The following SLC6A19 variants were observed in gnomAD, a reference collection of about 807,000 sequenced individuals.
SLC6A19 encodes the protein sodium-dependent neutral amino acid transporter B(0)AT1.
Under a neutral mutation model 68.3 loss-of-function variants are expected in SLC6A19, and 67 were observed. The observed-to-expected ratio is 0.98, with a 90% CI of 0.81 to 1.20. The LOEUF is 1.20. Among genes scored for constraint, SLC6A19 ranks in the 50% most tolerant of loss-of-function variants. The pLI, the probability that SLC6A19 is intolerant of heterozygous loss-of-function variation, is 0.00. For missense variants in SLC6A19, 813 were observed against 851.6 expected (o/e 0.95, Z 0.56); for synonymous variants, 392 against 374.9 (o/e 1.05, Z -0.53).
chr5:1,211,305 T>C (rs566623770), intron 3 of SLC6A19, among the ~76,000 whole-genome samples: 4 of 152,354 alleles, frequency 2.6e-5, no homozygotes, highest in African/African-American at 7.2e-5. Flanking sequence ...TGGGGTCCTC[T>C]GGAATTAGAC....
chr5:1,201,738 A>G lies in SLC6A19; in HGVS notation c.88A>G (p.Ser30Gly). 6.2e-7 allele frequency: 1 copy of G among 1,612,688 alleles called. No individual in the cohort carries two copies. Among genetic ancestry groups the G allele is most frequent in the South Asian group, 1.1e-5 (1 of 91,082 alleles). ...ELETIEQEEA[S>G]SRPKWDNKAQ... Reference sequence around the variant, plus strand: ...GGAGACCATCGAGCAGGAGGAGGCCAGCTCCCGGCCGAAGTGGGACAACAA... The same window carrying G: ...GGAGACCATCGAGCAGGAGGAGGCCGGCTCCCGGCCGAAGTGGGACAACAA... Residue 30 changes from serine (S) to glycine (G), a missense_variant, in exon 1 of 12, where the codon AGC becomes GGC. By Grantham distance (56) the Ser-to-Gly change is moderately conservative. Coordinates refer to ENST00000304460, the MANE Select transcript of SLC6A19 (RefSeq NM_001003841.3).
rs1451025206 is a variant in SLC6A19, at chr5:1,214,725, GAGGGAGGACTCCT to G, written c.887+665_887+677del. ...TTTCAGAGCAGAAGGGGCTGGGGGT[GAGGGAGGACTCCT>G]AGGGGTCAGGGTGGCCCTCCAGGCT... On this transcript the variant is annotated intron_variant, in intron 6 of 11. Transcript: ENST00000304460. This position sits in a 1 kb window ranked among gnomAD's most constrained non-coding sequence, Gnocchi z 7.4. Among the ~76,000 whole-genome samples, 90 of 152,004 alleles carry G rather than the reference GAGGGAGGACTCCT, an allele frequency of 5.9e-4. 1 individual carries two copies. The highest frequency in any genetic ancestry group is 2.0e-3 in the African/African-American group (84 of 41,430).
Position 1,216,664 on chromosome 5 carries a change from C to T in SLC6A19, c.994C>T (p.Arg332Cys), listed in dbSNP as rs200657233. 34 of 1,613,734 alleles carry T rather than the reference C, an allele frequency of 2.1e-5. No homozygotes were observed. Among genetic ancestry groups the T allele is most frequent in the South Asian group, 7.7e-5 (7 of 91,096 alleles). Residue 332 changes from arginine (R) to cysteine (C), a missense_variant, in exon 7 of 12, where the codon CGC becomes TGC. Arg to Cys is a radical substitution (Grantham distance 180). Transcript: ENST00000304460. ...YSVIGFRATQ[R>C]YDDCFSTNIL... ...CGTCATTGGGTTCCGCGCCACACAG[C>T]GCTACGACGACTGCTTCAGCACGTG...
chr5:1,211,171 G>T (rs1301628885), intron 3 of SLC6A19, among the ~76,000 whole-genome samples: 1 of 152,256 alleles, frequency 6.6e-6, no homozygotes. Context: ...TTCCCTGCAT[G>T]CTGCTGCTCT....
chr5:1,203,309 C>A (rs1179359553), intron 1 of SLC6A19, among the ~76,000 whole-genome samples: 1 of 152,178 alleles, frequency 6.6e-6, no homozygotes, highest in African/African-American at 2.4e-5. Flanking sequence ...GCTCTGACAC[C>A]CAGAGACCAG....
intron 1 of SLC6A19, among the ~76,000 whole-genome samples, chr5:1,205,758 C>A (rs1745834578): frequency 1.3e-5 from 2 of 151,014 alleles, no homozygotes. Flanking sequence ...AAATCAAGCT[C>A]TTGGGAAAAA....
chr5:1,213,439 T>A, intron 4 of SLC6A19, 24 bp from the exon 5 acceptor site: 49 of 831,126 alleles, frequency 5.9e-5, no homozygotes, highest in Non-Finnish European at 7.4e-5. Flanking sequence ...TTCCCGCCCA[T>A]CCCACATGTC....
intron 4 of SLC6A19, 72 bp from the exon 5 acceptor site, chr5:1,213,391 C>T (rs1369861549): frequency 5.3e-6 from 3 of 564,144 alleles, no homozygotes; most frequent in African/African-American, 4.8e-5. Flanking sequence ...ATGCCCCGCC[C>T]CCACGTGCCG....
chr5:1,202,677 T>C (rs1745743081), intron 1 of SLC6A19, among the ~76,000 whole-genome samples: 1 of 125,898 alleles, frequency 7.9e-6, no homozygotes, highest in Admixed American at 7.2e-5. Flanking sequence ...CCTGCTGCCC[T>C]GGGGCAGTTC....
At position 1,223,111 on chromosome 5, in the gene SLC6A19, T is replaced by A. The variant is rs1017967523; in HGVS notation, c.*1207T>A. ...CAGTTGCTGGCGATTCTGAGAAAAC[T>A]TGGCCGCATCCACCGGGGCCCTGCC... On this transcript the variant is annotated 3_prime_UTR_variant, in exon 12 of 12. Transcript: ENST00000304460. 1 of 152,042 alleles carries A rather than the reference T, an allele frequency of 6.6e-6. No homozygotes were observed. The highest frequency in any genetic ancestry group is 3.2e-3 in the Middle Eastern group (1 of 316). The allele number at this position is 152,042 out of a possible 1,614,324, so 9.4% of individuals were successfully genotyped here.
rs1746427319 is a variant in SLC6A19, at chr5:1,222,680, CACGCATATGG to C, written c.*779_*788del. ...ATGTGCGCATATGGACACGCATGGA[CACGCATATGG>C]ACACATATGGACACACATATGGACA... On this transcript the variant is annotated 3_prime_UTR_variant, in exon 12 of 12. Transcript: ENST00000304460. 1 of 193,970 alleles carries C rather than the reference CACGCATATGG, an allele frequency of 5.2e-6. No individual in the cohort carries two copies. Among genetic ancestry groups the C allele is most frequent in the Non-Finnish European group, 1.0e-5 (1 of 95,272 alleles). 12.0% of individuals were successfully genotyped at this position (193,970 alleles called of 1,614,324 possible).
At position 1,216,931 on chromosome 5, in the gene SLC6A19, G is replaced by A. The variant is rs550686902; in HGVS notation, c.1159G>A (p.Ala387Thr). ...QLVFQTCDIN[A>T]FLSEAVEGTG... is the part of the protein sequence containing the mutation. The stretch of plus-strand genomic sequence containing the variant: ...GGTGTTCCAGACCTGCGACATCAAC[G>A]CCTTCCTCTCAGAGGTAGGTCCATT... Residue 387 changes from alanine (A) to threonine (T), a missense_variant, in exon 8 of 12, where the codon GCC becomes ACC. Transcript: ENST00000304460. 1.7e-5 allele frequency: 28 copies of A among 1,612,952 alleles called. 1 individual carries two copies. The East Asian group carries it at 1.8e-4, about 10-fold the overall frequency.
intron 10 of SLC6A19, among the ~76,000 whole-genome samples, chr5:1,220,034 G>A (rs1294269210): frequency 6.6e-6 from 1 of 152,078 alleles, no homozygotes; most frequent in Non-Finnish European, 1.5e-5. Context: ...GATGCTCCAG[G>A]CCTTTTTAGG....
Position 1,215,691 on chromosome 5 carries a change from G to A in SLC6A19, c.888-867G>A, listed in dbSNP as rs536950712. ...TTTGGCTGTCATGAGTCATGCTGAC[G>A]TGAGCCTGTGTGTACGCGTTTTTGT... is the stretch of plus-strand genomic sequence containing the variant. On this transcript the variant is annotated intron_variant, in intron 6 of 11. Transcript: ENST00000304460. This position sits in a 1 kb window ranked among gnomAD's most constrained non-coding sequence, Gnocchi z 5.1. Among the ~76,000 whole-genome samples the A allele has an allele frequency of 3.5e-4, 53 of 152,338 alleles. 1 individual carries two copies. In the South Asian group the frequency reaches 7.7e-3, roughly 22 times the overall value.
chr5:1,218,560 A>G (rs1297806298), intron 8 of SLC6A19, among the ~76,000 whole-genome samples: 3 of 152,146 alleles, frequency 2.0e-5, no homozygotes, highest in African/African-American at 7.2e-5. Context: ...GCGTTTATTA[A>G]CAGGTGACTC....
rs1746075203 is a variant in SLC6A19 at position 1,212,579 on chromosome 5, G to T, written c.663+95G>T. The T allele has an allele frequency of 6.6e-7, 1 of 1,505,648 alleles. No homozygotes were observed. The highest frequency in any genetic ancestry group is 1.4e-5 in the African/African-American group (1 of 72,848). 93.3% of individuals were successfully genotyped at this position (1,505,648 alleles called of 1,614,324 possible). A position where few individuals can be genotyped will look rare whatever the true frequency, so the allele number is the denominator to read the frequency against. ...GCTGCACTCTAAAACCCAGGTCTGG[G>T]GGTCCCGGGCTCTGCCTTTCCCCAG... On this transcript the variant is annotated intron_variant, in intron 4 of 11. Coordinates refer to ENST00000304460, the MANE Select transcript of SLC6A19 (RefSeq NM_001003841.3). This position sits in a 1 kb window ranked among gnomAD's most constrained non-coding sequence, Gnocchi z 5.1.
intron 2 of SLC6A19, 114 bp from the exon 3 acceptor site, chr5:1,210,330 A>T: frequency 6.8e-7 from 1 of 1,469,080 alleles, no homozygotes; most frequent in South Asian, 1.2e-5. Flanking sequence ...ATTCTGGAGT[A>T]GCCCATCCCA....
In SLC6A19 at chr5:1,214,039, C is replaced by G; in HGVS notation, c.861C>G (p.Ile287Met). 6.2e-7 allele frequency: 1 copy of G among 1,613,886 alleles called. No homozygotes were observed. Among genetic ancestry groups the G allele is most frequent in the Non-Finnish European group, 8.5e-7 (1 of 1,180,012 alleles). Residue 287 changes from isoleucine to methionine, a missense_variant, in exon 6 of 12, where the codon ATC becomes ATG. Coordinates refer to ENST00000304460, the MANE Select transcript of SLC6A19 (RefSeq NM_001003841.3). This position sits in a 1 kb window ranked among gnomAD's most constrained non-coding sequence, Gnocchi z 7.4. Reference protein sequence around the residue: ...FSFSLAFGGLISFSSYNSVHN... With the variant: ...FSFSLAFGGLMSFSSYNSVHN... ...TCTCCCTGGCCTTCGGGGGCCTCAT[C>G]TCCTTCTCCAGCTACAACTCTGTGC...
Position 1,212,264 on chromosome 5 carries a change from G to A in SLC6A19, c.482-39G>A, listed in dbSNP as rs772342768. 7 of 1,610,722 alleles carry A rather than the reference G, an allele frequency of 4.3e-6. No homozygotes were observed. Among genetic ancestry groups the A allele is most frequent in the Non-Finnish European group, 5.9e-6 (7 of 1,179,688 alleles). On this transcript the variant is annotated intron_variant, in intron 3 of 11. Coordinates refer to ENST00000304460, the MANE Select transcript of SLC6A19 (RefSeq NM_001003841.3). The surrounding 1 kb of genome is among the most constrained non-coding windows in gnomAD (Gnocchi z 5.1). ...GGCCTTCCATTCTCCTCCCTTGGGGGACCCGTACCCTGAGGTGTGTGAATG... is the reference window on the plus strand; with the variant it reads ...GGCCTTCCATTCTCCTCCCTTGGGGAACCCGTACCCTGAGGTGTGTGAATG...
Sources: gnomAD v4.1 joint callset for allele counts (sites outside exome capture counted in the v4.1 genomes callset) on GRCh38, gnomAD v4.1.1 for gene constraint, Gnocchi (gnomAD v3.1) non-coding constraint, MANE v1.5 for transcripts, NCBI Gene and HGNC (gene_info 2026-07-23, HGNC 2026-07-21) for gene names.